The following LRP1B variants were observed in gnomAD, a reference collection of about 807,000 sequenced individuals.
LRP1B encodes the protein LDL receptor related protein 1B.
LRP1B carries 217 observed loss-of-function variants against 556.6 expected under a neutral mutation model. The ratio of observed to expected loss-of-function variants is 0.39; its 90% CI spans 0.35 to 0.44. The LOEUF is 0.44. LRP1B is among the 20% of genes least tolerant of loss of function. The pLI, the probability that LRP1B is intolerant of heterozygous loss-of-function variation, is 1.00. For missense variants in LRP1B, 5,053 were observed against 5,620.8 expected (o/e 0.90, Z 3.23); for synonymous variants, 2,047 against 1,865.8 (o/e 1.10, Z -2.50).
At chr2:141,050,280 T>G (rs1370763199) in intron 10 of LRP1B, among the ~76,000 whole-genome samples, 1 of 151,966 alleles carries the variant, frequency 6.6e-6, no homozygotes, top group African/African-American at 2.4e-5. Flanking sequence ...TTCTTGTGTT[T>G]TTTAAATTAG....
At chr2:141,940,856 T>G (rs1024443054) in intron 1 of LRP1B, among the ~76,000 whole-genome samples, 1 of 152,184 alleles carries the variant, frequency 6.6e-6, no homozygotes, top group African/African-American at 2.4e-5. Context: ...TCTCTTTTAA[T>G]CACTCCTGTT....
At chr2:141,810,131 A>AAGAAAGAG in intron 2 of LRP1B, 148 bp downstream of exon 2, 1 of 447,918 alleles carries the variant, frequency 2.2e-6, no homozygotes, top group Non-Finnish European at 3.8e-6. Context: ...GAAAGAAAGA[A>AAGAAAGAG]AGAAAGAAAG....
chr2:140,242,723 A>G (rs909909115), intron 87 of LRP1B, among the ~76,000 whole-genome samples: 1 of 151,080 alleles, frequency 6.6e-6, no homozygotes, highest in South Asian at 2.1e-4. Context: ...CTCTGTTGTC[A>G]GTGAAGAGAC....
intron 1 of LRP1B, among the ~76,000 whole-genome samples, chr2:142,128,578 C>A (rs1204924989): frequency 6.6e-6 from 1 of 152,148 alleles, no homozygotes; most frequent in East Asian, 1.9e-4. Context: ...TGGGGCCCAT[C>A]CTTTTCACTT....
chr2:141,394,050 A>G (rs1209626177), intron 3 of LRP1B, among the ~76,000 whole-genome samples: 7 of 152,286 alleles, frequency 4.6e-5, no homozygotes, highest in Non-Finnish European at 1.0e-4. Flanking sequence ...GGTTGGGTAT[A>G]CTATGTCCCT....
At chr2:141,482,952 GTTTTT>G (rs70994430) in intron 2 of LRP1B, among the ~76,000 whole-genome samples, 1 of 151,766 alleles carries the variant, frequency 6.6e-6, no homozygotes, top group African/African-American at 2.4e-5. Flanking sequence ...GTTTTGTTTT[GTTTTT>G]TTATTTTATT....
chr2:140,743,401 G>A (rs371296620), intron 35 of LRP1B, among the ~76,000 whole-genome samples: 1 of 152,054 alleles, frequency 6.6e-6, no homozygotes, highest in African/African-American at 2.4e-5. Flanking sequence ...AGAGAGATTG[G>A]AAAAACATAC....
At chr2:141,063,601 G>T (rs1161400602) in intron 7 of LRP1B, among the ~76,000 whole-genome samples, 1 of 151,754 alleles carries the variant, frequency 6.6e-6, no homozygotes, top group Non-Finnish European at 1.5e-5. Context: ...TCAAATCACT[G>T]CTTGGTATGC....
chr2:140,926,510 T>TAA (rs530705014), intron 20 of LRP1B, among the ~76,000 whole-genome samples: 6 of 149,956 alleles, frequency 4.0e-5, no homozygotes, highest in Non-Finnish European at 7.4e-5. Context: ...CCCAGCTAAT[T>TAA]AAAAAAAAAA....
chr2:140,433,406 A>G (rs1686038628), intron 66 of LRP1B, among the ~76,000 whole-genome samples: 1 of 152,162 alleles, frequency 6.6e-6, no homozygotes, highest in Non-Finnish European at 1.5e-5. Context: ...CAGATGTTAT[A>G]CTTGCAATAG....
intron 84 of LRP1B, among the ~76,000 whole-genome samples, chr2:140,284,280 C>G (rs1165782337): frequency 2.0e-5 from 3 of 150,780 alleles, no homozygotes; most frequent in Non-Finnish European, 4.4e-5. Flanking sequence ...TTTTCATTAA[C>G]AAATACATGG....
intron 42 of LRP1B, among the ~76,000 whole-genome samples, chr2:140,600,696 A>G (rs1004218551): frequency 1.2e-4 from 18 of 147,716 alleles, no homozygotes; most frequent in Admixed American, 1.4e-4. Flanking sequence ...CAACTTTACC[A>G]TATTGTATAT....
chr2:140,916,905 T>A (rs1694597249), intron 21 of LRP1B, among the ~76,000 whole-genome samples: 1 of 152,188 alleles, frequency 6.6e-6, no homozygotes, highest in Non-Finnish European at 1.5e-5. Context: ...CTCCTGCACT[T>A]TTCACTCAAC....
intron 84 of LRP1B, among the ~76,000 whole-genome samples, chr2:140,283,862 C>A (rs1245912718): frequency 6.6e-6 from 1 of 151,564 alleles, no homozygotes; most frequent in Non-Finnish European, 1.5e-5. Context: ...TTAAAGTAGT[C>A]CAGCTATAAA....
chr2:140,748,782 A>G (rs1375593868), intron 35 of LRP1B, among the ~76,000 whole-genome samples: 1 of 52,754 alleles, frequency 1.9e-5, no homozygotes, highest in Non-Finnish European at 4.3e-5. Context: ...TAATATGTAT[A>G]TAATATATAT....
chr2:141,255,652 T>C (rs387846), intron 3 of LRP1B, among the ~76,000 whole-genome samples: 54,811 of 151,622 alleles, frequency 0.36, 9,959 homozygotes, highest in South Asian at 0.48. Context: ...TGCAAACCTC[T>C]TTCCTAATAT....
At position 141,057,908 on chromosome 2, in the gene LRP1B, A is replaced by C. The variant is rs138243517; in HGVS notation, c.1408+975T>G. ...CCATATAAAATTGAAGACTGCTCCC[A>C]TTTCTGACATCTTTATCCACCTTAC... On this transcript the variant is annotated intron_variant, in intron 9 of 90. Transcript: ENST00000389484. 7.1e-3 allele frequency among the ~76,000 whole-genome samples: 1,085 copies of C among 151,876 alleles called. 13 individuals are homozygous for C. Among genetic ancestry groups the C allele is most frequent in the African/African-American group, 0.023 (962 of 41,468 alleles).
At chr2:141,976,188 G>A (rs1701882478) in intron 1 of LRP1B, among the ~76,000 whole-genome samples, 1 of 151,956 alleles carries the variant, frequency 6.6e-6, no homozygotes, top group African/African-American at 2.4e-5. Context: ...AGTGAAAAAG[G>A]TGGAACATAT....
intron 65 of LRP1B, among the ~76,000 whole-genome samples, chr2:140,443,610 A>G (rs993656984): frequency 5.3e-5 from 8 of 152,176 alleles, no homozygotes; most frequent in African/African-American, 1.2e-4. Flanking sequence ...AAACCCTGAA[A>G]CTTGACAGGT....
Sources: gnomAD v4.1 joint callset for allele counts (sites outside exome capture counted in the v4.1 genomes callset) on GRCh38, gnomAD v4.1.1 for gene constraint, MANE v1.5 for transcripts, NCBI Gene and HGNC (gene_info 2026-07-23, HGNC 2026-07-21) for gene names.